Variants in NAAA observed in about 807,000 individuals in gnomAD.
The protein encoded by NAAA is N-acylethanolamine acid amidase, also known as N-acylethanolamine-hydrolyzing acid amidase.
NAAA carries 39 observed loss-of-function variants against 44.8 expected under a neutral mutation model. The ratio of observed to expected loss-of-function variants is 0.87; its 90% CI spans 0.67 to 1.14. The LOEUF (loss-of-function observed/expected upper bound fraction) is 1.14. Ranked by LOEUF, NAAA falls within the 50% of genes most tolerant of loss-of-function variation. NAAA has a pLI of 0.00. For missense variants in NAAA, 460 were observed against 467.8 expected (o/e 0.98, Z 0.15); for synonymous variants, 178 against 191.3 (o/e 0.93, Z 0.58).
intron 4 of NAAA, among the ~76,000 whole-genome samples, chr4:75,929,275 T>C (rs1329951937): frequency 6.6e-6 from 1 of 152,208 alleles, no homozygotes; most frequent in Non-Finnish European, 1.5e-5. Context: ...CCTCCTCATA[T>C]CTTTATCCTT....
intron 9 of NAAA, among the ~76,000 whole-genome samples, chr4:75,916,158 G>A (rs1391920823): frequency 3.9e-5 from 6 of 152,228 alleles, no homozygotes; most frequent in Non-Finnish European, 8.8e-5. Flanking sequence ...TTGCAGGTGG[G>A]TGTAATTTTG....
intron 8 of NAAA, chr4:75,919,706 CT>C (rs750852053): frequency 1.7e-4 from 102 of 605,838 alleles, no homozygotes; most frequent in Admixed American, 7.1e-4. Context: ...TCTCAATCTC[CT>C]GACCTCGTGA....
At chr4:75,918,845 T>C (rs1725875942) in intron 8 of NAAA, 56 bp from the exon 9 acceptor site, 1 of 1,520,426 alleles carries the variant, frequency 6.6e-7, no homozygotes, top group Admixed American at 1.7e-5. Flanking sequence ...GAAATACACA[T>C]AGAATATCTA....
chr4:75,917,107 TA>T, intron 9 of NAAA: 4 of 958,402 alleles, frequency 4.2e-6, no homozygotes, highest in Non-Finnish European at 5.0e-6. Flanking sequence ...TATAATTACC[TA>T]AAAAAACTAT....
intron 4 of NAAA, among the ~76,000 whole-genome samples, chr4:75,927,795 C>CA (rs11408634): frequency 0.3 from 44,019 of 149,164 alleles, 6,563 homozygotes; most frequent in South Asian, 0.42. Flanking sequence ...TCAAAACAAA[C>CA]AAAAAAAAAT....
At position 75,936,190 on chromosome 4, in the gene NAAA, G is replaced by T. The variant is rs772000369; in HGVS notation, c.417C>A (p.Tyr139Ter). 1 of 1,614,006 alleles carries T rather than the reference G, an allele frequency of 6.2e-7. No homozygotes were observed. The highest frequency in any genetic ancestry group is 1.3e-5 in the African/African-American group (1 of 75,008). ...IVAQDSRGHI[Y>*]HGRNLDYPFG... ...AAGGATAATCCAAATTCCGACCATG[G>T]TAAATGTGGCCTCTGGAGTCTTGAG... The change falls in exon 3 of 11, where the codon TAC (tyrosine) becomes TAA (stop). Residue 139 changes from tyrosine (Y) to a stop codon, truncating the protein, a stop_gained. Coordinates refer to ENST00000286733, the MANE Select transcript of NAAA (RefSeq NM_014435.4). LOFTEE classifies it high-confidence loss of function.
chr4:75,910,720 T>A (rs1368522947), downstream of NAAA, among the ~76,000 whole-genome samples: 1 of 152,140 alleles, frequency 6.6e-6, no homozygotes, highest in African/African-American at 2.4e-5. Context: ...AACTTGAAAT[T>A]TGGGGAGCAC....
At position 75,925,602 on chromosome 4, in the gene NAAA, T is replaced by A; in HGVS notation, c.666+133A>T. On this transcript the variant is annotated intron_variant, in intron 5 of 10. Transcript: ENST00000286733. ...TTGACATTTATCAAAAAGATTTATATGCACTTTGCAGACATTTAGATGCTT... is the reference window on the plus strand; with the variant it reads ...TTGACATTTATCAAAAAGATTTATAAGCACTTTGCAGACATTTAGATGCTT... 5 of 776,458 alleles carry A rather than the reference T, an allele frequency of 6.4e-6. No individual in the cohort carries two copies. The South Asian group carries it at 6.7e-5, about 10-fold the overall frequency. 48.1% of individuals were successfully genotyped at this position (776,458 alleles called of 1,614,324 possible). A position where few individuals can be genotyped will look rare whatever the true frequency, so the allele number is the denominator to read the frequency against.
intron 5 of NAAA, among the ~76,000 whole-genome samples, chr4:75,921,951 C>A (rs1400818055): frequency 6.6e-6 from 1 of 152,166 alleles, no homozygotes; most frequent in Non-Finnish European, 1.5e-5. Context: ...ATATGGGCTC[C>A]TTCCTAGAGC....
intron 5 of NAAA, among the ~76,000 whole-genome samples, chr4:75,924,319 T>C (rs1199186561): frequency 6.6e-6 from 1 of 152,258 alleles, no homozygotes; most frequent in East Asian, 1.9e-4. Context: ...TTAAGTACGA[T>C]AAGCGTTCCT....
chr4:75,939,748 T>C, intron 2 of NAAA: 1 of 479,332 alleles, frequency 2.1e-6, no homozygotes, highest in South Asian at 2.5e-5. Context: ...GCTACCTGGA[T>C]TGGGGAAGAG....
chr4:75,922,708 C>T (rs1560505398), intron 5 of NAAA, among the ~76,000 whole-genome samples: 1 of 152,218 alleles, frequency 6.6e-6, no homozygotes, highest in African/African-American at 2.4e-5. Context: ...TATGCCTTTT[C>T]TCCAATTAAT....
chr4:75,934,469 A>T (rs900125112), intron 3 of NAAA, among the ~76,000 whole-genome samples: 5 of 140,598 alleles, frequency 3.6e-5, no homozygotes, highest in African/African-American at 1.3e-4. Flanking sequence ...ACACCCACCC[A>T]CACGCCCAGC....
intron 7 of NAAA, among the ~76,000 whole-genome samples, chr4:75,920,486 C>T (rs1399593845): frequency 1.3e-5 from 2 of 152,186 alleles, no homozygotes; most frequent in Non-Finnish European, 2.9e-5. Context: ...GAGTCACTAG[C>T]AGAGCTGGTG....
intron 5 of NAAA, among the ~76,000 whole-genome samples, chr4:75,922,211 ACT>A (rs1168366621): frequency 6.6e-6 from 1 of 151,248 alleles, no homozygotes; most frequent in Non-Finnish European, 1.5e-5. Context: ...AGGCAAGAAA[ACT>A]CTACAAAACC....
rs1236998119 is a variant in NAAA, at chr4:75,940,945, C to G, written c.5G>C (p.Arg2Pro). The part of the protein sequence containing the change: M[R>P]TADREARPGL... The stretch of plus-strand genomic sequence containing the variant: ...CGGGCGCGCCTCCCGGTCCGCGGTC[C>G]GCATGGCTCGGGCTCCAGCGGCCGC... Residue 2 changes from arginine (R) to proline (P), a missense_variant, in exon 1 of 11, where the codon CGG becomes CCG. By Grantham distance (103) the Arg-to-Pro change is moderately radical. Coordinates refer to ENST00000286733, the MANE Select transcript of NAAA (RefSeq NM_014435.4). 1 of 1,492,506 alleles carries G rather than the reference C, an allele frequency of 6.7e-7. No individual in the cohort carries two copies. Among genetic ancestry groups the G allele is most frequent in the African/African-American group, 1.5e-5 (1 of 68,660 alleles). 92.5% of individuals were successfully genotyped at this position (1,492,506 alleles called of 1,614,324 possible).
At chr4:75,925,931 C>A (rs894398449) in intron 4 of NAAA, 120 bp from the exon 5 acceptor site, 1 of 894,492 alleles carries the variant, frequency 1.1e-6, no homozygotes, top group Non-Finnish European at 1.8e-6. Flanking sequence ...AAAGCAGAAT[C>A]TTTTGTACCA....
At chr4:75,925,602 T>G (rs937788) in intron 5 of NAAA, 133 bp downstream of exon 5, 1 of 776,458 alleles carries the variant, frequency 1.3e-6, no homozygotes, top group Non-Finnish European at 2.2e-6. Context: ...AAGATTTATA[T>G]GCACTTTGCA....
At position 75,913,686 on chromosome 4, in the gene NAAA, T is replaced by C. The variant is rs1344674278; in HGVS notation, c.*689A>G. 2.0e-6 allele frequency: 2 copies of C among 982,780 alleles called. No homozygotes were observed. Among genetic ancestry groups the C allele is most frequent in the African/African-American group, 3.5e-5 (2 of 57,146 alleles). The allele number at this position is 982,780 out of a possible 1,614,324, so 60.9% of individuals were successfully genotyped here. ...TTCTTGGAAATTTTTTTATTCTCCTTGCCAACATTTCTTTTGACATTTTAT... is the reference window on the plus strand; with the variant it reads ...TTCTTGGAAATTTTTTTATTCTCCTCGCCAACATTTCTTTTGACATTTTAT... On this transcript the variant is annotated 3_prime_UTR_variant, in exon 11 of 11. Transcript: ENST00000286733.
Sources: allele counts gnomAD v4.1 joint callset (sites outside exome capture counted in the v4.1 genomes callset), GRCh38; gene constraint gnomAD v4.1.1; transcripts MANE v1.5; gene names NCBI Gene and HGNC (gene_info 2026-07-23, HGNC 2026-07-21).